The following GABRA3 variants were observed in gnomAD, a reference collection of about 807,000 sequenced individuals.
GABRA3 encodes the protein gamma-aminobutyric acid type A receptor subunit alpha3, also known as gamma-aminobutyric acid receptor subunit alpha-3.
In GABRA3, 10 loss-of-function variants were observed where a neutral mutation model predicts 30.1. The observed-to-expected ratio is 0.33, with a 90% CI of 0.20 to 0.56. GABRA3 has a LOEUF of 0.56. Ranked by LOEUF, GABRA3 falls within the 20% of genes least tolerant of loss-of-function variation. GABRA3 has a pLI of 0.89. For synonymous variants in GABRA3, 151 were observed against 146.8 expected, an observed-to-expected ratio of 1.03 and a Z score of -0.21; for missense variants, 233 against 392.0, an observed-to-expected ratio of 0.59 and a Z score of 3.42.
In GABRA3 at chrX:152,196,408, G is replaced by GAA. The variant is rs201138176; in HGVS notation, c.931+1223_931+1224dup. On this transcript the variant is annotated intron_variant, in intron 8 of 9. Coordinates refer to ENST00000370314, the MANE Select transcript of GABRA3 (RefSeq NM_000808.4). ...AGTGAAACTCCGTCTCAAAAAAAAAGAAAAAAAAAAAAAGAAAGAAAGAAA... is the reference window on the plus strand; with the variant it reads ...AGTGAAACTCCGTCTCAAAAAAAAAGAAAAAAAAAAAAAAAGAAAGAAAGAAA... 3.0e-3 allele frequency among the ~76,000 whole-genome samples: 192 copies of GAA among 64,038 alleles called. 3 individuals are homozygous for GAA. The highest frequency in any genetic ancestry group is 0.017 in the South Asian group (22 of 1,273). The allele number at this position is 64,038 out of a possible 115,157, so 55.6% of individuals were successfully genotyped here.
In GABRA3 at chrX:152,224,748, A is replaced by C; in HGVS notation, c.634+15T>G. 1 of 1,128,580 alleles carries C rather than the reference A, an allele frequency of 8.9e-7. No individual in the cohort carries two copies. The highest frequency in any genetic ancestry group is 1.8e-5 in the African/African-American group (1 of 55,593). 93.0% of individuals were successfully genotyped at this position (1,128,580 alleles called of 1,213,427 possible). A position where few individuals can be genotyped will look rare whatever the true frequency, so the allele number is the denominator to read the frequency against. On this transcript the variant is annotated intron_variant, in intron 6 of 9. Transcript: ENST00000370314. ...GCAAAAAAAAAAGACAGAGAGAGAG[A>C]GAGAAAATACATACAGCTTCCAAAC... is the stretch of plus-strand genomic sequence containing the variant.
intron 1 of GABRA3, among the ~76,000 whole-genome samples, chrX:152,435,643 C>T (rs947612931): frequency 9.0e-6 from 1 of 110,600 alleles, no homozygotes; most frequent in Non-Finnish European, 1.9e-5. Flanking sequence ...ATACCTAATG[C>T]AGATGACAGG....
intron 1 of GABRA3, among the ~76,000 whole-genome samples, chrX:152,404,896 G>A (rs894148521): frequency 1.8e-5 from 2 of 108,372 alleles, no homozygotes; most frequent in South Asian, 8.4e-4. Flanking sequence ...TTTAGAGGAC[G>A]GAGGTGGAGC....
At chrX:152,333,902 T>C (rs1015305711) in intron 3 of GABRA3, among the ~76,000 whole-genome samples, 111 of 111,491 alleles carry the variant, frequency 1.0e-3, no homozygotes, top group African/African-American at 3.5e-3. Context: ...GATAAGCGGA[T>C]TATAAAATTT....
chrX:152,253,758 T>C (rs1938593661), intron 5 of GABRA3, among the ~76,000 whole-genome samples: 1 of 111,846 alleles, frequency 8.9e-6, no homozygotes, highest in African/African-American at 3.2e-5. Flanking sequence ...AATATGTCCT[T>C]CCATTCCCTG....
chrX:152,292,479 G>T (rs1939439789), intron 3 of GABRA3, among the ~76,000 whole-genome samples: 1 of 110,641 alleles, frequency 9.0e-6, no homozygotes, highest in Non-Finnish European at 1.9e-5. Flanking sequence ...CAATTTTGTT[G>T]ATCTTTTCAG....
intron 5 of GABRA3, chrX:152,250,440 A>G (rs746677957): frequency 9.0e-6 from 1 of 111,415 alleles, no homozygotes; most frequent in Non-Finnish European, 1.9e-5. Flanking sequence ...TCATATTCAG[A>G]TAGTCAATAG....
intron 3 of GABRA3, among the ~76,000 whole-genome samples, chrX:152,287,968 ACT>A (rs1939327722): frequency 9.0e-6 from 1 of 110,822 alleles, no homozygotes; most frequent in South Asian, 3.8e-4. Flanking sequence ...TGTTCCCCAC[ACT>A]GTTTCTTTCT....
At chrX:152,418,831 T>A (rs1381419677) in intron 1 of GABRA3, among the ~76,000 whole-genome samples, 1 of 111,394 alleles carries the variant, frequency 9.0e-6, no homozygotes, top group African/African-American at 3.3e-5. Context: ...GCTATAAAGG[T>A]GCATGCACAC....
At chrX:152,197,882 T>C (rs1234373486) in intron 7 of GABRA3, 97 bp from the exon 8 acceptor site, 1 of 658,223 alleles carries the variant, frequency 1.5e-6, no homozygotes, top group African/African-American at 2.2e-5. Flanking sequence ...TAATCTTATA[T>C]TCAATATTCC....
At chrX:152,205,084 C>T (rs953912556) in intron 7 of GABRA3, among the ~76,000 whole-genome samples, 2 of 111,516 alleles carry the variant, frequency 1.8e-5, no homozygotes, top group African/African-American at 6.5e-5. Context: ...AGGGCCCACT[C>T]CACTGCAGTA....
chrX:152,351,834 G>A (rs1296145444), intron 2 of GABRA3, among the ~76,000 whole-genome samples: 1 of 110,840 alleles, frequency 9.0e-6, no homozygotes, highest in Non-Finnish European at 1.9e-5. Context: ...AACACTTAGA[G>A]GCTATATAGG....
At chrX:152,229,876 G>A (rs994061931) in intron 5 of GABRA3, among the ~76,000 whole-genome samples, 3 of 111,341 alleles carry the variant, frequency 2.7e-5, no homozygotes, top group African/African-American at 9.8e-5. Flanking sequence ...AAACCAGGAA[G>A]ATGAAGTCTA....
In GABRA3 at chrX:152,168,450, G is replaced by A. The variant is rs1246459377; in HGVS notation, c.1257C>T (p.Gly419=). 1.2e-5 allele frequency: 14 copies of A among 1,210,006 alleles called. No individual in the cohort carries two copies. The highest frequency in any genetic ancestry group is 2.3e-4 in the Middle Eastern group (1 of 4,373). The change falls in exon 10 of 10, where the codon GGC becomes GGT. Residue 419 remains glycine (G), a synonymous_variant. Coordinates refer to ENST00000370314, the MANE Select transcript of GABRA3 (RefSeq NM_000808.4). ...KDTEFSTISK[G]AAPSASSTPT... is the part of the protein sequence containing the mutation. ...GGGTTGAGGAGGCACTGGGAGCAGCGCCCTTGGAGATGGTGGAAAATTCAG... is the reference window on the plus strand; with the variant it reads ...GGGTTGAGGAGGCACTGGGAGCAGCACCCTTGGAGATGGTGGAAAATTCAG...
intron 3 of GABRA3, among the ~76,000 whole-genome samples, chrX:152,319,718 A>G (rs1445243032): frequency 8.9e-6 from 1 of 111,796 alleles, no homozygotes; most frequent in Non-Finnish European, 1.9e-5. Flanking sequence ...AAAACAAAAG[A>G]TAAATAGGTG....
At chrX:152,183,211 C>A (rs1251892350) in intron 9 of GABRA3, among the ~76,000 whole-genome samples, 1 of 110,137 alleles carries the variant, frequency 9.1e-6, no homozygotes, top group East Asian at 2.9e-4. Context: ...TGATGGGAGA[C>A]TTTTTGTTAC....
intron 4 of GABRA3, among the ~76,000 whole-genome samples, chrX:152,276,306 A>G (rs1939084425): frequency 8.9e-6 from 1 of 111,985 alleles, no homozygotes; most frequent in African/African-American, 3.2e-5. Context: ...AATGCAAACA[A>G]AATAAATTAG....
At chrX:152,173,244 G>A (rs1379311137) in intron 9 of GABRA3, among the ~76,000 whole-genome samples, 1 of 109,186 alleles carries the variant, frequency 9.2e-6, no homozygotes, top group East Asian at 2.9e-4. Flanking sequence ...AGGCGGTGGG[G>A]GGGTGGGGGT....
At chrX:152,254,306 C>A (rs769502234) in intron 5 of GABRA3, among the ~76,000 whole-genome samples, 8 of 110,841 alleles carry the variant, frequency 7.2e-5, no homozygotes, top group African/African-American at 2.3e-4. Context: ...TCATTATATT[C>A]GCCTATCTCT....
Sources: allele counts gnomAD v4.1 joint callset (sites outside exome capture counted in the v4.1 genomes callset), GRCh38; gene constraint gnomAD v4.1.1; transcripts MANE v1.5; gene names NCBI Gene and HGNC (gene_info 2026-07-23, HGNC 2026-07-21).